The following KLHDC10 variants were observed in gnomAD, a reference collection of about 807,000 sequenced individuals.
KLHDC10 encodes the protein kelch domain containing 10.
KLHDC10 carries 24 observed loss-of-function variants against 56.1 expected under a neutral mutation model. The ratio of observed to expected loss-of-function variants is 0.43; its 90% CI spans 0.31 to 0.60. The LOEUF is 0.60. Among genes scored for constraint, KLHDC10 ranks in the 20% least tolerant of loss-of-function variants. The pLI is 0.11. For missense variants in KLHDC10, 349 were observed against 567.0 expected (o/e 0.62, Z 3.91); for synonymous variants, 188 against 207.1 (o/e 0.91, Z 0.79).
intron 2 of KLHDC10, among the ~76,000 whole-genome samples, chr7:130,106,604 G>T (rs530850403): frequency 2.0e-5 from 3 of 152,156 alleles, no homozygotes; most frequent in Non-Finnish European, 4.4e-5. Flanking sequence ...AATAAAATTT[G>T]ATATTTAATG....
intron 1 of KLHDC10, among the ~76,000 whole-genome samples, chr7:130,073,609 A>C (rs1234464252): frequency 6.6e-6 from 1 of 151,880 alleles, no homozygotes; most frequent in South Asian, 2.1e-4. Flanking sequence ...CCCATGTTCC[A>C]TTTTTCATCC....
intron 1 of KLHDC10, among the ~76,000 whole-genome samples, chr7:130,073,218 A>C (rs951311833): frequency 1.2e-4 from 18 of 152,072 alleles, no homozygotes; most frequent in Non-Finnish European, 2.2e-4. Flanking sequence ...AAAAATTAAA[A>C]AACAACAACA....
At chr7:130,117,560 A>G in intron 3 of KLHDC10, 1 of 172,348 alleles carries the variant, frequency 5.8e-6, no homozygotes, top group Non-Finnish European at 1.2e-5. Flanking sequence ...TATCTCAAGA[A>G]ACCACTTTCA....
rs546634936 is a variant in KLHDC10 at position 130,134,548 on chromosome 7, T to A, written c.*3802T>A. 6.6e-6 allele frequency: 1 copy of A among 152,322 alleles called. No homozygotes were observed. Among genetic ancestry groups the A allele is most frequent in the Admixed American group, 6.5e-5 (1 of 15,300 alleles). 9.4% of individuals were successfully genotyped at this position (152,322 alleles called of 1,614,324 possible). The stretch of plus-strand genomic sequence containing the variant: ...AATCTTGCAAGAGCTATGGCTCTTC[T>A]ATTTTCCAATCACACAGCTTGGCAT... On this transcript the variant is annotated 3_prime_UTR_variant, in exon 10 of 10. Transcript: ENST00000335420.
At chr7:130,114,768 T>C (rs1259353292) in intron 2 of KLHDC10, among the ~76,000 whole-genome samples, 4 of 152,000 alleles carry the variant, frequency 2.6e-5, no homozygotes, top group African/African-American at 9.7e-5. Context: ...GTTCATTTGA[T>C]GAAAAGGGTG....
At position 130,130,502 on chromosome 7, in the gene KLHDC10, C is replaced by T. The variant is rs1200878176; in HGVS notation, c.1120-35C>T. On this transcript the variant is annotated intron_variant, in intron 9 of 9. Coordinates refer to ENST00000335420, the MANE Select transcript of KLHDC10 (RefSeq NM_014997.4). This position sits in a 1 kb window ranked among gnomAD's most constrained non-coding sequence, Gnocchi z 4.2. ...AGTCTTCAGCCTTGTATGTTTCTCT[C>T]CCGTTTGAATTTGTCCTCTTTTGAC... is the stretch of plus-strand genomic sequence containing the variant. 2 of 1,549,802 alleles carry T rather than the reference C, an allele frequency of 1.3e-6. No homozygotes were observed. The highest frequency in any genetic ancestry group is 2.2e-5 in the South Asian group (2 of 89,828).
chr7:130,081,030 G>A (rs183951842), intron 1 of KLHDC10, among the ~76,000 whole-genome samples: 63 of 127,834 alleles, frequency 4.9e-4, no homozygotes, highest in African/African-American at 1.7e-3. Context: ...ACGGAGTCTC[G>A]CTCTGTCACC....
chr7:130,098,021 GTT>G (rs1341116209), intron 2 of KLHDC10, among the ~76,000 whole-genome samples: 1 of 143,752 alleles, frequency 7.0e-6, no homozygotes. Flanking sequence ...TTTAACTGGA[GTT>G]TTTTTTTTTT....
intron 1 of KLHDC10, among the ~76,000 whole-genome samples, chr7:130,073,266 C>T (rs568634965): frequency 2.7e-5 from 4 of 150,792 alleles, no homozygotes; most frequent in Non-Finnish European, 4.4e-5. Context: ...CACTGTCTCT[C>T]TCTTTTGACC....
At chr7:130,121,922 A>G (rs1796252890) in intron 4 of KLHDC10, 132 bp from the exon 5 acceptor site, 2 of 698,044 alleles carry the variant, frequency 2.9e-6, no homozygotes, top group Non-Finnish European at 2.2e-6. Flanking sequence ...TTATTCTTTT[A>G]AGAGTCTGAT....
chr7:130,095,209 A>AAT (rs1280537630), intron 1 of KLHDC10, among the ~76,000 whole-genome samples: 5 of 151,842 alleles, frequency 3.3e-5, no homozygotes, highest in African/African-American at 4.8e-5. Flanking sequence ...GTACATTAAA[A>AAT]ATATATATAT....
At chr7:130,098,826 T>G (rs1027338550) in intron 2 of KLHDC10, among the ~76,000 whole-genome samples, 10 of 152,188 alleles carry the variant, frequency 6.6e-5, no homozygotes, top group Non-Finnish European at 1.0e-4. Context: ...ATGGGGATTT[T>G]ATTTTCTTTT....
chr7:130,080,153 G>A (rs1318175964), intron 1 of KLHDC10, among the ~76,000 whole-genome samples: 1 of 152,136 alleles, frequency 6.6e-6, no homozygotes, highest in African/African-American at 2.4e-5. Flanking sequence ...TGTTGCCTAG[G>A]CTGGTTGCAA....
At chr7:130,098,538 C>T (rs1795883958) in intron 2 of KLHDC10, among the ~76,000 whole-genome samples, 1 of 152,070 alleles carries the variant, frequency 6.6e-6, no homozygotes, top group South Asian at 2.1e-4. Flanking sequence ...ATCCATTGTA[C>T]ACACATGGCC....
rs748287119 is a variant in KLHDC10 at position 130,116,503 on chromosome 7, A to G, written c.312A>G (p.Leu104=). 4.1e-5 allele frequency: 66 copies of G among 1,614,004 alleles called. No individual in the cohort carries two copies. Among genetic ancestry groups the G allele is most frequent in the Admixed American group, 2.0e-4 (12 of 60,004 alleles). The part of the protein sequence containing the change: ...GHRCVADNTN[L]YVFGGYNPDY... ...GTTGTGTGGCAGATAATACCAACCT[A>G]TATGTGTTTGGAGGTTATAACCCAG... The change falls in exon 3 of 10, where the codon CTA becomes CTG. Residue 104 remains leucine (L), a synonymous_variant. Coordinates refer to ENST00000335420, the MANE Select transcript of KLHDC10 (RefSeq NM_014997.4). The surrounding 1 kb of genome is among the most constrained non-coding windows in gnomAD (Gnocchi z 4.8).
In KLHDC10 at chr7:130,077,465, A is replaced by G. The variant is rs375617510; in HGVS notation, c.166+6656A>G. On this transcript the variant is annotated intron_variant, in intron 1 of 9. Coordinates refer to ENST00000335420, the MANE Select transcript of KLHDC10 (RefSeq NM_014997.4). ...TTGTTTATTTTTTTATATAGGCCTC[A>G]CATTTCTTATTATGTTTATTCCTTG... Among the ~76,000 whole-genome samples the G allele has an allele frequency of 3.6e-4, 54 of 148,192 alleles. 1 individual carries two copies. The South Asian group carries it at 3.7e-3, about 10-fold the overall frequency.
At chr7:130,104,898 C>T (rs1795988082) in intron 2 of KLHDC10, among the ~76,000 whole-genome samples, 1 of 152,198 alleles carries the variant, frequency 6.6e-6, no homozygotes, top group African/African-American at 2.4e-5. Context: ...ATCTCCAACA[C>T]TGGGGATTAC....
chr7:130,072,742 T>A (rs921209770), intron 1 of KLHDC10, among the ~76,000 whole-genome samples: 10 of 145,198 alleles, frequency 6.9e-5, no homozygotes, highest in Non-Finnish European at 1.1e-4. Flanking sequence ...AAACCTTTTA[T>A]TTTAAATTTA....
chr7:130,106,102 C>T (rs561066515), intron 2 of KLHDC10, among the ~76,000 whole-genome samples: 15 of 152,140 alleles, frequency 9.9e-5, no homozygotes, highest in East Asian at 3.8e-4. Flanking sequence ...GCCAAGATCA[C>T]GCCGTTGCAC....
Sources: gnomAD v4.1 joint callset for allele counts (sites outside exome capture counted in the v4.1 genomes callset) on GRCh38, gnomAD v4.1.1 for gene constraint, Gnocchi (gnomAD v3.1) non-coding constraint, MANE v1.5 for transcripts, NCBI Gene and HGNC (gene_info 2026-07-23, HGNC 2026-07-21) for gene names.